The following ARHGEF10L variants were observed in gnomAD, a reference collection of about 807,000 sequenced individuals.
The protein encoded by ARHGEF10L is rho guanine nucleotide exchange factor 10-like protein.
Under a neutral mutation model 141.2 loss-of-function variants are expected in ARHGEF10L, and 69 were observed. The ratio of observed to expected loss-of-function variants is 0.49; its 90% CI spans 0.40 to 0.60. ARHGEF10L has a LOEUF of 0.60. Among genes scored for constraint, ARHGEF10L ranks in the 20% least tolerant of loss-of-function variants. The probability of loss-of-function intolerance (pLI) is 0.00; values close to 1 mark genes in which losing one functional copy is unlikely to be tolerated. For synonymous variants in ARHGEF10L, 711 were observed against 718.5 expected, an observed-to-expected ratio of 0.99 and a Z score of 0.17; for missense variants, 1,482 against 1,734.3, an observed-to-expected ratio of 0.85 and a Z score of 2.58.
intron 4 of ARHGEF10L, among the ~76,000 whole-genome samples, chr1:17,595,064 G>T (rs1237575187): frequency 1.3e-5 from 2 of 152,054 alleles, no homozygotes; most frequent in Non-Finnish European, 2.9e-5. Context: ...GTTTGTTGTA[G>T]AAAAATTAGA....
intron 25 of ARHGEF10L, among the ~76,000 whole-genome samples, chr1:17,661,393 A>T (rs879124889): frequency 4.6e-5 from 7 of 152,042 alleles, no homozygotes; most frequent in Non-Finnish European, 8.8e-5. Context: ...GAGTTTTTTG[A>T]TCTATCAGTA....
In ARHGEF10L at chr1:17,684,994, G is replaced by A. The variant is rs192090722; in HGVS notation, c.3010-2579G>A. On this transcript the variant is annotated intron_variant, in intron 26 of 28. Transcript: ENST00000361221. ...CCACACTCTGATCAGGAATGAGCCC[G>A]GAGCTCACTGGCTTAGCTCCGCATG... Among the ~76,000 whole-genome samples, 388 of 152,228 alleles carry A rather than the reference G, an allele frequency of 2.5e-3. 2 individuals carry two copies. Among genetic ancestry groups the A allele is most frequent in the African/African-American group, 7.9e-3 (327 of 41,532 alleles).
chr1:17,691,779 A>C (rs1261774974), intron 27 of ARHGEF10L, among the ~76,000 whole-genome samples: 1 of 152,124 alleles, frequency 6.6e-6, no homozygotes, highest in Non-Finnish European at 1.5e-5. Flanking sequence ...TGTAGTACTC[A>C]TTGATGGATG....
chr1:17,560,480 C>T (rs2077502132), intron 1 of ARHGEF10L, among the ~76,000 whole-genome samples: 1 of 152,186 alleles, frequency 6.6e-6, no homozygotes, highest in Non-Finnish European at 1.5e-5. Context: ...GTTTGGGGTC[C>T]CTGATAGGCA....
At chr1:17,679,994 G>A (rs1045244517) in intron 26 of ARHGEF10L, among the ~76,000 whole-genome samples, 3 of 152,166 alleles carry the variant, frequency 2.0e-5, no homozygotes, top group East Asian at 1.9e-4. Flanking sequence ...GGTGCTCAGC[G>A]TTGAGAGTCC....
In ARHGEF10L at chr1:17,587,546, G is replaced by A. The variant is rs1319961267; in HGVS notation, c.124G>A (p.Asp42Asn). The change falls in exon 3 of 29, where the codon GAT (aspartate) becomes AAT (asparagine). Residue 42 changes from aspartate to asparagine, a missense_variant. This residue lies in a region of ARHGEF10L where 232 missense variants were observed against 225.9 expected (regional missense o/e 1.03). Coordinates refer to ENST00000361221, the MANE Select transcript of ARHGEF10L (RefSeq NM_018125.4). ...GEAFEFDDSD[D>N]EEDTSAALGV... Reference sequence around the variant, plus strand: ...GGCGTTTGAGTTTGATGACAGTGATGATGAAGAGGACACCAGCGCAGCCCT... The same window carrying A: ...GGCGTTTGAGTTTGATGACAGTGATAATGAAGAGGACACCAGCGCAGCCCT... 2 of 1,614,096 alleles carry A rather than the reference G, an allele frequency of 1.2e-6. No homozygotes were observed. Among genetic ancestry groups the A allele is most frequent in the East Asian group, 2.2e-5 (1 of 44,890 alleles).
chr1:17,648,628 C>A lies in ARHGEF10L; in HGVS notation c.2347C>A (p.Leu783Met). 6.2e-7 allele frequency: 1 copy of A among 1,613,284 alleles called. No homozygotes were observed. The highest frequency in any genetic ancestry group is 8.5e-7 in the Non-Finnish European group (1 of 1,180,030). The change falls in exon 22 of 29, where the codon CTG becomes ATG. Residue 783 changes from leucine to methionine, a missense_variant. By Grantham distance (15) the Leu-to-Met change is conservative (BLOSUM62 2). Transcript: ENST00000361221. ...KSKAPFWCPILACCIPAFSSR... is the reference protein window; with the variant it reads ...KSKAPFWCPIMACCIPAFSSR... ...CAAAGCCCCATTCTGGTGCCCGATC[C>A]TGGCCTGCTGCATCCCTGCCTTCTC...
At chr1:17,575,586 G>C (rs2078186882) in intron 1 of ARHGEF10L, among the ~76,000 whole-genome samples, 2 of 152,254 alleles carry the variant, frequency 1.3e-5, no homozygotes, top group Admixed American at 1.3e-4. Context: ...GAGCCGATGA[G>C]ATCCGAGAGG....
At chr1:17,542,704 CT>C (rs1384960966) in intron 1 of ARHGEF10L, among the ~76,000 whole-genome samples, 1 of 152,180 alleles carries the variant, frequency 6.6e-6, no homozygotes, top group African/African-American at 2.4e-5. Context: ...TCTGCTATCT[CT>C]TTGTTTTGAC....
Position 17,583,696 on chromosome 1 carries a change from G to A in ARHGEF10L, c.37+3064G>A, listed in dbSNP as rs1355605525. 5.3e-5 allele frequency among the ~76,000 whole-genome samples: 8 copies of A among 151,948 alleles called. No individual in the cohort carries two copies. The East Asian group carries it at 1.5e-3, about 29-fold the overall frequency. ...GCAGTGACACCATCCACATATAAAGGGAGACCCCCACCCCCACTCCCTGCC... is the reference window on the plus strand; with the variant it reads ...GCAGTGACACCATCCACATATAAAGAGAGACCCCCACCCCCACTCCCTGCC... On this transcript the variant is annotated intron_variant, in intron 2 of 28. Coordinates refer to ENST00000361221, the MANE Select transcript of ARHGEF10L (RefSeq NM_018125.4).
Position 17,631,079 on chromosome 1 carries a change from G to C in ARHGEF10L, c.1585-1242G>C, listed in dbSNP as rs189871726. Among the ~76,000 whole-genome samples, 8 of 151,364 alleles carry C rather than the reference G, an allele frequency of 5.3e-5. No individual in the cohort carries two copies. The East Asian group carries it at 1.6e-3, about 30-fold the overall frequency. The stretch of plus-strand genomic sequence containing the variant: ...GAGTGATCTGTCCTTTTCTGTCCTG[G>C]GGTTGCCTGGGGGTGATCTGTCTTT... On this transcript the variant is annotated intron_variant, in intron 15 of 28. Transcript: ENST00000361221.
chr1:17,548,646 C>CTTTTTTT (rs892480738), intron 1 of ARHGEF10L, among the ~76,000 whole-genome samples: 6 of 88,290 alleles, frequency 6.8e-5, no homozygotes, highest in African/African-American at 1.9e-4. Flanking sequence ...CAAAATAATT[C>CTTTTTTT]TTTTTTTTTT....
intron 21 of ARHGEF10L, among the ~76,000 whole-genome samples, chr1:17,647,353 G>A (rs561298210): frequency 6.6e-6 from 1 of 152,286 alleles, no homozygotes; most frequent in South Asian, 2.1e-4. Flanking sequence ...ACTAAGCCAG[G>A]GCATAGACGG....
At position 17,619,259 on chromosome 1, in the gene ARHGEF10L, G is replaced by C. The variant is rs1055670030; in HGVS notation, c.836-80G>C. 5.0e-6 allele frequency: 7 copies of C among 1,411,688 alleles called. No individual in the cohort carries two copies. The highest frequency in any genetic ancestry group is 6.9e-6 in the Non-Finnish European group (7 of 1,015,422). 87.4% of individuals were successfully genotyped at this position (1,411,688 alleles called of 1,614,324 possible). On this transcript the variant is annotated intron_variant, in intron 9 of 28. Transcript: ENST00000361221. The surrounding 1 kb of genome is among the most constrained non-coding windows in gnomAD (Gnocchi z 5.0). ...GGACCTGGGTCCAAGGCTGGTCTAG[G>C]GGGGCTCTCAGCTCCTGAGGCCTGA...
intron 26 of ARHGEF10L, among the ~76,000 whole-genome samples, chr1:17,686,570 T>C (rs1321511843): frequency 6.6e-6 from 1 of 152,126 alleles, no homozygotes; most frequent in Non-Finnish European, 1.5e-5. Flanking sequence ...AAGTGGAGTC[T>C]TCAGATGTTG....
intron 4 of ARHGEF10L, among the ~76,000 whole-genome samples, chr1:17,595,842 T>C (rs2080043463): frequency 6.6e-6 from 1 of 151,996 alleles, no homozygotes; most frequent in South Asian, 2.1e-4. Context: ...GCGAGGGAGG[T>C]AGTGTTGCCT....
At chr1:17,591,664 G>A (rs1330067258) in intron 4 of ARHGEF10L, among the ~76,000 whole-genome samples, 3 of 151,932 alleles carry the variant, frequency 2.0e-5, no homozygotes, top group Admixed American at 1.3e-4. Flanking sequence ...CACCCACCTC[G>A]GCCTCCCAAA....
chr1:17,587,385 C>T, intron 2 of ARHGEF10L, 75 bp from the exon 3 acceptor site: 2 of 1,478,226 alleles, frequency 1.4e-6, no homozygotes, highest in Non-Finnish European at 1.8e-6. Context: ...CAGCCATGCC[C>T]ACCTACCCCA....
rs2078100738 is a variant in ARHGEF10L, at chr1:17,573,654, G to A, written c.-43-6899G>A. On this transcript the variant is annotated intron_variant, in intron 1 of 28. Coordinates refer to ENST00000361221, the MANE Select transcript of ARHGEF10L (RefSeq NM_018125.4). This position sits in a 1 kb window ranked among gnomAD's most constrained non-coding sequence, Gnocchi z 4.8. ...TCTGGGGCCGCCCCCCTCCCACGCT[G>A]TCCAGCCACTTCTCCAGGCTGGCTC... 1.3e-5 allele frequency among the ~76,000 whole-genome samples: 2 copies of A among 152,052 alleles called. No individual in the cohort carries two copies. The highest frequency in any genetic ancestry group is 4.1e-4 in the South Asian group (2 of 4,828).
Sources: allele counts gnomAD v4.1 joint callset (sites outside exome capture counted in the v4.1 genomes callset), GRCh38; gene constraint gnomAD v4.1.1; regional missense constraint gnomAD v4.1.1; non-coding constraint Gnocchi (gnomAD v3.1); transcripts MANE v1.5; gene names NCBI Gene and HGNC (gene_info 2026-07-23, HGNC 2026-07-21).